Variants in NETO1 observed in about 807,000 individuals in gnomAD.
The protein encoded by NETO1 is neuropilin and tolloid-like protein 1.
A neutral mutation model predicts 61.3 loss-of-function variants in NETO1; 26 were observed. The observed-to-expected ratio is 0.42, with a 90% CI of 0.31 to 0.59. The LOEUF is 0.59. Among genes scored for constraint, NETO1 ranks in the 20% least tolerant of loss-of-function variants. The probability of loss-of-function intolerance (pLI) is 0.12; values close to 1 mark genes in which losing one functional copy is unlikely to be tolerated. For missense variants in NETO1, 531 were observed against 662.8 expected (o/e 0.80, Z 2.18); for synonymous variants, 225 against 225.8 (o/e 1.00, Z 0.03).
At chr18:72,765,904 G>A (rs879491355) in intron 7 of NETO1, among the ~76,000 whole-genome samples, 22 of 152,014 alleles carry the variant, frequency 1.4e-4, no homozygotes, top group Admixed American at 9.8e-4. Flanking sequence ...CTTCAAAAAT[G>A]TCATTAAAAA....
chr18:72,834,928 T>C, intron 4 of NETO1: 1 of 755,588 alleles, frequency 1.3e-6, no homozygotes, highest in Non-Finnish European at 1.6e-6. Flanking sequence ...ATATATAAAA[T>C]AACATTTAAA....
intron 4 of NETO1, among the ~76,000 whole-genome samples, chr18:72,811,240 G>C (rs1312422847): frequency 6.6e-6 from 1 of 151,908 alleles, no homozygotes; most frequent in Non-Finnish European, 1.5e-5. Context: ...CACCCTAACG[G>C]CACCACCTGT....
intron 4 of NETO1, among the ~76,000 whole-genome samples, chr18:72,822,472 C>T (rs1189434938): frequency 6.6e-6 from 1 of 152,176 alleles, no homozygotes; most frequent in Non-Finnish European, 1.5e-5. Context: ...GGAGGCGGAG[C>T]AGGGAGCGGG....
intron 3 of NETO1, among the ~76,000 whole-genome samples, chr18:72,862,543 G>A (rs942027668): frequency 3.3e-5 from 5 of 151,398 alleles, no homozygotes; most frequent in Non-Finnish European, 7.4e-5. Flanking sequence ...ACAAGTTATC[G>A]AGCAACAAAT....
At chr18:72,865,165 A>G (rs770868265) in intron 2 of NETO1, 23 bp downstream of exon 2, 1 of 1,605,076 alleles carries the variant, frequency 6.2e-7, no homozygotes, top group Non-Finnish European at 8.5e-7. Context: ...GTCTTCCACT[A>G]GCATTTTTCT....
chr18:72,818,759 T>A (rs769000536), intron 4 of NETO1, among the ~76,000 whole-genome samples: 1 of 152,206 alleles, frequency 6.6e-6, no homozygotes, highest in Non-Finnish European at 1.5e-5. Context: ...ATGCTCATTA[T>A]AACTTTATAT....
At chr18:72,829,949 G>A (rs147813356) in intron 4 of NETO1, among the ~76,000 whole-genome samples, 49 of 152,278 alleles carry the variant, frequency 3.2e-4, no homozygotes, top group African/African-American at 1.2e-3. Flanking sequence ...GAATATATTC[G>A]CAGTGTATCC....
intron 7 of NETO1, among the ~76,000 whole-genome samples, chr18:72,780,228 A>T (rs1274882482): frequency 6.6e-6 from 1 of 152,028 alleles, no homozygotes; most frequent in African/African-American, 2.4e-5. Flanking sequence ...CTGTTGTAAA[A>T]CTCATCATTT....
intron 4 of NETO1, among the ~76,000 whole-genome samples, chr18:72,796,988 T>C (rs532392809): frequency 7.2e-4 from 109 of 152,264 alleles, no homozygotes; most frequent in African/African-American, 2.6e-3. Flanking sequence ...CTGCTAAAAT[T>C]GGTTGTTCTC....
chr18:72,757,228 A>G (rs917137881), intron 7 of NETO1, among the ~76,000 whole-genome samples: 2 of 152,186 alleles, frequency 1.3e-5, no homozygotes. Context: ...TAGACACTGC[A>G]GTCATGTTAT....
At chr18:72,781,395 CCT>C (rs1346431893) in intron 7 of NETO1, among the ~76,000 whole-genome samples, 1 of 152,122 alleles carries the variant, frequency 6.6e-6, no homozygotes, top group Non-Finnish European at 1.5e-5. Context: ...TGTCTTGTAG[CCT>C]GAGTCTCATA....
At chr18:72,809,464 C>T (rs2072790376) in intron 4 of NETO1, among the ~76,000 whole-genome samples, 1 of 152,004 alleles carries the variant, frequency 6.6e-6, no homozygotes, top group Non-Finnish European at 1.5e-5. Flanking sequence ...AAATATCAAC[C>T]AGGCTTGGTA....
chr18:72,781,254 AC>A (rs1261398113), intron 7 of NETO1, among the ~76,000 whole-genome samples: 2 of 152,188 alleles, frequency 1.3e-5, no homozygotes, highest in East Asian at 3.8e-4. Flanking sequence ...TAAATTAAAT[AC>A]GAGTTCTTGG....
rs1049933010 is a variant in NETO1 at position 72,746,363 on chromosome 18, C to G, written c.*1816G>C. 6.6e-6 allele frequency among the ~76,000 whole-genome samples: 1 copy of G among 151,766 alleles called. No homozygotes were observed. The highest frequency in any genetic ancestry group is 1.5e-5 in the Non-Finnish European group (1 of 67,914). ...CATGGTAATAAATAAACCAGTCAAG[C>G]CAAATAAAAAAGGGTACATTTTATC... On this transcript the variant is annotated 3_prime_UTR_variant, in exon 11 of 11. Transcript: ENST00000327305.
At chr18:72,782,542 T>A (rs942198235) in intron 7 of NETO1, among the ~76,000 whole-genome samples, 10 of 152,174 alleles carry the variant, frequency 6.6e-5, no homozygotes, top group Non-Finnish European at 1.0e-4. Context: ...CAGTGGCTCA[T>A]GCCTCTAATC....
At chr18:72,851,616 T>G (rs17086482) in intron 4 of NETO1, among the ~76,000 whole-genome samples, 6,761 of 152,130 alleles carry the variant, frequency 0.044, 514 homozygotes, top group African/African-American at 0.16. Flanking sequence ...TCAGATGGGT[T>G]GAGAAGGCAC....
At chr18:72,781,125 T>C (rs979865744) in intron 7 of NETO1, among the ~76,000 whole-genome samples, 1 of 152,318 alleles carries the variant, frequency 6.6e-6, no homozygotes, top group Middle Eastern at 3.4e-3. Flanking sequence ...GCTTTTATCA[T>C]ATGTCTCTAT....
At chr18:72,766,451 T>C (rs749045914) in intron 7 of NETO1, among the ~76,000 whole-genome samples, 28 of 152,100 alleles carry the variant, frequency 1.8e-4, no homozygotes, top group Non-Finnish European at 3.8e-4. Context: ...GACATTTTAT[T>C]TGAAAAATGG....
intron 7 of NETO1, among the ~76,000 whole-genome samples, chr18:72,757,253 T>C (rs2070813734): frequency 6.6e-6 from 1 of 152,202 alleles, no homozygotes; most frequent in Non-Finnish European, 1.5e-5. Flanking sequence ...AGTTTATTTT[T>C]CACTTTCAAA....
Sources: gnomAD v4.1 joint callset for allele counts (sites outside exome capture counted in the v4.1 genomes callset) on GRCh38, gnomAD v4.1.1 for gene constraint, MANE v1.5 for transcripts, NCBI Gene and HGNC (gene_info 2026-07-23, HGNC 2026-07-21) for gene names.